The following PPARGC1A variants were observed in gnomAD, a reference collection of about 807,000 sequenced individuals.
PPARGC1A encodes the protein PPARG coactivator 1 alpha.
PPARGC1A carries 25 observed loss-of-function variants against 88.7 expected under a neutral mutation model. The observed-to-expected ratio is 0.28, with a 90% CI of 0.21 to 0.39. The LOEUF is 0.39. Ranked by LOEUF, PPARGC1A falls within the 10% of genes least tolerant of loss-of-function variation. PPARGC1A has a pLI of 1.00. For synonymous variants in PPARGC1A, 363 were observed against 355.6 expected (o/e 1.02, Z -0.24); for missense variants, 880 against 968.7 (o/e 0.91, Z 1.22).
chr4:24,211,520 A>C, the PPARGC1A span, among the ~76,000 whole-genome samples: 1 of 152,092 alleles, frequency 6.6e-6, no homozygotes, highest in Non-Finnish European at 1.5e-5. Flanking sequence ...AGACAGGTGT[A>C]TCTGCCCTAT....
upstream of PPARGC1A, among the ~76,000 whole-genome samples, chr4:23,904,252 T>C (rs1719771206): frequency 6.6e-6 from 1 of 152,146 alleles, no homozygotes. Context: ...ATCATGTGCT[T>C]TCCAGCAGCC....
the PPARGC1A span, among the ~76,000 whole-genome samples, chr4:24,365,499 CT>C: frequency 6.6e-6 from 1 of 152,134 alleles, no homozygotes; most frequent in Non-Finnish European, 1.5e-5. Flanking sequence ...TCATCTGCCC[CT>C]GTATTTATTT....
the PPARGC1A span, among the ~76,000 whole-genome samples, chr4:23,997,755 G>A: frequency 6.6e-6 from 1 of 152,022 alleles, no homozygotes; most frequent in Non-Finnish European, 1.5e-5. Context: ...GCCTCCCAAA[G>A]TGCTGGGATT....
chr4:24,415,323 A>C, the PPARGC1A span, among the ~76,000 whole-genome samples: 1 of 152,206 alleles, frequency 6.6e-6, no homozygotes, highest in Non-Finnish European at 1.5e-5. Flanking sequence ...AGAAAGAAAA[A>C]TAAATCATTC....
the PPARGC1A span, among the ~76,000 whole-genome samples, chr4:24,469,732 G>A: frequency 6.6e-6 from 1 of 152,114 alleles, no homozygotes; most frequent in Admixed American, 6.6e-5. Flanking sequence ...TTGGGGAAAC[G>A]CTTTTCCACC....
intron 2 of PPARGC1A, among the ~76,000 whole-genome samples, chr4:23,869,060 T>C (rs1345378013): frequency 6.6e-6 from 1 of 152,178 alleles, no homozygotes; most frequent in Non-Finnish European, 1.5e-5. Context: ...TCAGCTTGTA[T>C]GTCACTGGAT....
At chr4:24,039,649 C>T in the PPARGC1A span, among the ~76,000 whole-genome samples, 1 of 152,096 alleles carries the variant, frequency 6.6e-6, no homozygotes, top group Non-Finnish European at 1.5e-5. Context: ...CAAAACTCAA[C>T]CTCAGTGATG....
chr4:24,398,120 G>A, the PPARGC1A span, among the ~76,000 whole-genome samples: 1 of 152,216 alleles, frequency 6.6e-6, no homozygotes, highest in African/African-American at 2.4e-5. Context: ...AACTTTATAA[G>A]AACATTTACA....
chr4:24,249,270 CTTTTT>C, the PPARGC1A span, among the ~76,000 whole-genome samples: 1 of 150,208 alleles, frequency 6.7e-6, no homozygotes, highest in Non-Finnish European at 1.5e-5. Flanking sequence ...TGCACTCCTA[CTTTTT>C]TTTTTCATTT....
chr4:24,383,908 C>G, the PPARGC1A span, among the ~76,000 whole-genome samples: 4 of 151,988 alleles, frequency 2.6e-5, no homozygotes, highest in Admixed American at 2.6e-4. Flanking sequence ...AAGAGCAACC[C>G]CAAGCCACAT....
At chr4:24,211,493 C>G in the PPARGC1A span, among the ~76,000 whole-genome samples, 3 of 152,090 alleles carry the variant, frequency 2.0e-5, no homozygotes, top group Admixed American at 6.6e-5. Flanking sequence ...TCTTGTGTCC[C>G]CAGCTTCGTC....
At chr4:24,268,474 T>C in the PPARGC1A span, among the ~76,000 whole-genome samples, 1 of 152,190 alleles carries the variant, frequency 6.6e-6, no homozygotes, top group East Asian at 1.9e-4. Context: ...CTACCACTGA[T>C]GGAATCAGAA....
chr4:24,361,862 C>T, the PPARGC1A span, among the ~76,000 whole-genome samples: 2 of 152,176 alleles, frequency 1.3e-5, no homozygotes, highest in Non-Finnish European at 2.9e-5. Flanking sequence ...GCCTCAGAGG[C>T]TCCAGGCAGG....
chr4:24,457,968 A>G, the PPARGC1A span, among the ~76,000 whole-genome samples: 4 of 152,180 alleles, frequency 2.6e-5, no homozygotes, highest in Non-Finnish European at 5.9e-5. Flanking sequence ...AACATAGGCC[A>G]GTAGGTATTT....
chr4:24,311,462 C>A, the PPARGC1A span, among the ~76,000 whole-genome samples: 31 of 84,086 alleles, frequency 3.7e-4, no homozygotes, highest in Non-Finnish European at 5.9e-4. Flanking sequence ...GGTGAAACCC[C>A]ATCTCTACTA....
the PPARGC1A span, among the ~76,000 whole-genome samples, chr4:24,469,208 G>A: frequency 1.6e-4 from 24 of 152,364 alleles, no homozygotes; most frequent in African/African-American, 4.6e-4. Context: ...AGTCCAAGAT[G>A]AGATTTAAAG....
the PPARGC1A span, among the ~76,000 whole-genome samples, chr4:24,123,645 T>TA: frequency 6.6e-6 from 1 of 152,172 alleles, no homozygotes; most frequent in Non-Finnish European, 1.5e-5. Flanking sequence ...AACCAGTGGG[T>TA]AAATGTAAGT....
the PPARGC1A span, among the ~76,000 whole-genome samples, chr4:24,018,036 AG>A: frequency 1.1e-4 from 16 of 152,214 alleles, no homozygotes; most frequent in Non-Finnish European, 1.5e-5. Flanking sequence ...CAGAACTCTA[AG>A]GGTCAAGTTA....
chr4:24,065,029 C>A, the PPARGC1A span, among the ~76,000 whole-genome samples: 1 of 152,144 alleles, frequency 6.6e-6, no homozygotes, highest in Non-Finnish European at 1.5e-5. Flanking sequence ...CACCTTGCAA[C>A]GAGTTTAGGA....
Sources: allele counts gnomAD v4.1 joint callset (sites outside exome capture counted in the v4.1 genomes callset), GRCh38; gene constraint gnomAD v4.1.1; transcripts MANE v1.5; gene names NCBI Gene and HGNC (gene_info 2026-07-23, HGNC 2026-07-21).